The following PKHD1 variants were observed in gnomAD, a reference collection of about 807,000 sequenced individuals.
PKHD1 encodes fibrocystin.
A neutral mutation model predicts 412.0 loss-of-function variants in PKHD1; 291 were observed. The ratio of observed to expected loss-of-function variants is 0.71; its 90% CI spans 0.64 to 0.78. PKHD1 has a LOEUF of 0.78. Ranked by LOEUF, PKHD1 falls within the 30% of genes least tolerant of loss-of-function variation. The pLI, the probability that PKHD1 is intolerant of heterozygous loss-of-function variation, is 0.00. For missense variants in PKHD1, 4,825 were observed against 4,950.7 expected, an observed-to-expected ratio of 0.97 and a Z score of 0.76; for synonymous variants, 1,777 against 1,821.5, an observed-to-expected ratio of 0.98 and a Z score of 0.62.
chr6:51,631,691 C>T, intron 65 of PKHD1, among the ~76,000 whole-genome samples: 1 of 151,996 alleles, frequency 6.6e-6, no homozygotes, highest in East Asian at 1.9e-4. Context: ...TTGCCAATGC[C>T]TGATCTGCTC....
Position 52,066,043 on chromosome 6 carries a change from A to C in PKHD1, c.813T>G (p.Leu271=). 1 of 1,601,540 alleles carries C rather than the reference A, an allele frequency of 6.2e-7. No homozygotes were observed. Among genetic ancestry groups the C allele is most frequent in the Non-Finnish European group, 8.6e-7 (1 of 1,168,770 alleles). The part of the protein sequence containing the change: ...ILSVFPETGS[L]GGRTNITITG... Reference sequence around the variant, plus strand: ...TAATTGTGATGTTTGTTCTTCCCCCAAGGCTCCCAGTTTCTGGAAACACAG... The same window carrying C: ...TAATTGTGATGTTTGTTCTTCCCCCCAGGCTCCCAGTTTCTGGAAACACAG... The change falls in exon 12 of 67, where the codon CTT becomes CTG. Residue 271 remains leucine, a synonymous_variant. Coordinates refer to ENST00000371117, the MANE Select transcript of PKHD1 (RefSeq NM_138694.4).
intron 35 of PKHD1, among the ~76,000 whole-genome samples, chr6:51,997,435 AT>A (rs549085588): frequency 1.4e-4 from 21 of 152,348 alleles, no homozygotes; most frequent in African/African-American, 4.3e-4. Flanking sequence ...TTCATAACAA[AT>A]TTTTTTAAGT....
At chr6:51,995,394 T>C (rs1319378995) in intron 35 of PKHD1, among the ~76,000 whole-genome samples, 1 of 152,260 alleles carries the variant, frequency 6.6e-6, no homozygotes, top group Non-Finnish European at 1.5e-5. Context: ...TTGTACATGA[T>C]GTTTTCCAAC....
At chr6:52,010,482 A>G in intron 34 of PKHD1, 23 bp from the exon 35 acceptor site, 1 of 1,514,236 alleles carries the variant, frequency 6.6e-7, no homozygotes, top group South Asian at 1.1e-5. Flanking sequence ...GGGAGGTTAA[A>G]TGGGGTGTCA....
At chr6:51,981,393 C>G (rs1227255914) in intron 35 of PKHD1, among the ~76,000 whole-genome samples, 1 of 140,900 alleles carries the variant, frequency 7.1e-6, no homozygotes, top group South Asian at 2.4e-4. Context: ...CCTCTGATGC[C>G]GAGCCAAGGC....
chr6:51,934,465 C>T (rs969093892), intron 36 of PKHD1, 143 bp from the exon 37 acceptor site: 1 of 697,454 alleles, frequency 1.4e-6, no homozygotes, highest in African/African-American at 1.8e-5. Context: ...CTTGTAGAAG[C>T]ACAGTAGGGT....
At chr6:51,988,555 G>A (rs1235652326) in intron 35 of PKHD1, among the ~76,000 whole-genome samples, 2 of 152,108 alleles carry the variant, frequency 1.3e-5, no homozygotes, top group East Asian at 1.9e-4. Flanking sequence ...CAAGTAGCAC[G>A]TTCCAGTTTT....
intron 61 of PKHD1, among the ~76,000 whole-genome samples, chr6:51,656,650 A>T (rs560084459): frequency 7.0e-6 from 1 of 143,268 alleles, no homozygotes; most frequent in Non-Finnish European, 1.5e-5. Context: ...TTGGTAGCTT[A>T]TAGCTTTTCT....
chr6:52,005,467 G>T lies in PKHD1; in HGVS notation c.5751+4842C>A, dbSNP rs564862379. Among the ~76,000 whole-genome samples, 16 of 152,232 alleles carry T rather than the reference G, an allele frequency of 1.1e-4. No homozygotes were observed. In the South Asian group the frequency reaches 3.3e-3, roughly 32 times the overall value. ...TGCTATTCCTGTGGGTTCTAGCCTT[G>T]CTGCCTTGCGCATGCTGGTTCCCCC... On this transcript the variant is annotated intron_variant, in intron 35 of 66. Transcript: ENST00000371117.
At chr6:52,038,374 C>CAA (rs34413030) in intron 27 of PKHD1, among the ~76,000 whole-genome samples, 10 of 111,556 alleles carry the variant, frequency 9.0e-5, no homozygotes, top group Admixed American at 1.9e-4. Context: ...GACTCGGTCT[C>CAA]AAAAAAAAAA....
At chr6:51,684,574 G>A (rs750190) in intron 60 of PKHD1, among the ~76,000 whole-genome samples, 3,644 of 152,130 alleles carry the variant, frequency 0.024, 57 homozygotes, top group Non-Finnish European at 0.039. Context: ...ATAGGACATC[G>A]TTGTCTTCAT....
chr6:52,081,058 T>C (rs1488343301), intron 4 of PKHD1, among the ~76,000 whole-genome samples: 1 of 152,200 alleles, frequency 6.6e-6, no homozygotes, highest in Non-Finnish European at 1.5e-5. Context: ...CATGAAAAAC[T>C]GTACATTTTT....
In PKHD1 at chr6:51,791,045, T is replaced by A. The variant is rs565169149; in HGVS notation, c.8440+191A>T. On this transcript the variant is annotated intron_variant, in intron 53 of 66. Coordinates refer to ENST00000371117, the MANE Select transcript of PKHD1 (RefSeq NM_138694.4). Reference sequence around the variant, plus strand: ...CTGATAGTACACGGGCATGAAAGAATGACCAATACAAGCCACCTCTGACCA... The same window carrying A: ...CTGATAGTACACGGGCATGAAAGAAAGACCAATACAAGCCACCTCTGACCA... 2.0e-5 allele frequency among the ~76,000 whole-genome samples: 3 copies of A among 152,206 alleles called. No individual in the cohort carries two copies. The East Asian group carries it at 5.8e-4, about 29-fold the overall frequency.
intron 1 of PKHD1, among the ~76,000 whole-genome samples, chr6:52,085,242 G>C (rs1812597053): frequency 2.3e-5 from 1 of 43,226 alleles, no homozygotes; most frequent in African/African-American, 6.1e-5. Context: ...TTTTAAGCTG[G>C]ATAAATAATA....
intron 35 of PKHD1, among the ~76,000 whole-genome samples, chr6:52,009,464 C>T (rs1271563165): frequency 6.6e-6 from 1 of 152,138 alleles, no homozygotes; most frequent in Non-Finnish European, 1.5e-5. Flanking sequence ...GCGAGTGCCA[C>T]ATAATAGGCA....
rs185715362 is a variant in PKHD1, at chr6:51,814,911, T to C, written c.8302+15950A>G. ...GGAAGCACATCTCACAGAGAGTACA[T>C]TTCTGGCCCAGGGATTCTAAATAAA... is the stretch of plus-strand genomic sequence containing the variant. On this transcript the variant is annotated intron_variant, in intron 52 of 66. Transcript: ENST00000371117. 4.6e-5 allele frequency among the ~76,000 whole-genome samples: 7 copies of C among 151,276 alleles called. No individual in the cohort carries two copies. The East Asian group carries it at 1.4e-3, about 30-fold the overall frequency.
chr6:51,904,420 G>C (rs1781756393), intron 41 of PKHD1, among the ~76,000 whole-genome samples: 1 of 152,116 alleles, frequency 6.6e-6, no homozygotes, highest in Non-Finnish European at 1.5e-5. Context: ...TGTAGGAACA[G>C]GATGGACAAC....
intron 52 of PKHD1, among the ~76,000 whole-genome samples, chr6:51,799,436 T>C (rs1325613872): frequency 6.6e-6 from 1 of 152,168 alleles, no homozygotes; most frequent in East Asian, 1.9e-4. Flanking sequence ...TATATACAAA[T>C]AAATAATGTG....
At chr6:51,720,546 A>C (rs1452288598) in intron 60 of PKHD1, among the ~76,000 whole-genome samples, 1 of 151,764 alleles carries the variant, frequency 6.6e-6, no homozygotes, top group Non-Finnish European at 1.5e-5. Context: ...GCCAACTCTT[A>C]CTCAATTTTG....
Sources: gnomAD v4.1 joint callset for allele counts (sites outside exome capture counted in the v4.1 genomes callset) on GRCh38, gnomAD v4.1.1 for gene constraint, MANE v1.5 for transcripts, NCBI Gene and HGNC (gene_info 2026-07-23, HGNC 2026-07-21) for gene names.